PRH1: variants seen among roughly 807,000 people sequenced by gnomAD.
The protein encoded by PRH1 is salivary acidic proline-rich phosphoprotein 1/2.
In PRH1, 7 loss-of-function variants were observed where a neutral mutation model predicts 7.9. The ratio of observed to expected loss-of-function variants is 0.89; its 90% confidence interval spans 0.50 to 1.67. The LOEUF (loss-of-function observed/expected upper bound fraction) is 1.67. Ranked by LOEUF, PRH1 falls within the 40% of genes most tolerant of loss-of-function variation. PRH1 has a pLI of 0.00. For missense variants in PRH1, 109 were observed against 223.6 expected, an observed-to-expected ratio of 0.49 and a Z score of 3.27; for synonymous variants, 45 against 80.8, an observed-to-expected ratio of 0.56 and a Z score of 2.38.
intron 1 of PRH1, among the ~76,000 whole-genome samples, chr12:10,981,652 G>T (rs1357952496): frequency 6.6e-6 from 1 of 151,938 alleles, no homozygotes; most frequent in African/African-American, 2.4e-5. Context: ...GGGATTACAG[G>T]CATGAGCCAC....
intron 1 of PRH1, among the ~76,000 whole-genome samples, chr12:11,086,447 C>T (rs1944701094): frequency 6.8e-6 from 1 of 147,718 alleles, no homozygotes; most frequent in Admixed American, 6.8e-5. Flanking sequence ...ATGTTAAAAT[C>T]AGTCTCCAAT....
chr12:10,917,375 CTT>C (rs1196270361), intron 2 of PRH1, among the ~76,000 whole-genome samples: 2 of 152,126 alleles, frequency 1.3e-5, no homozygotes, highest in African/African-American at 4.8e-5. Context: ...GTACTTCTCT[CTT>C]GCTATGTCCA....
At chr12:10,947,489 T>C (rs1950506111) in intron 2 of PRH1, among the ~76,000 whole-genome samples, 1 of 152,194 alleles carries the variant, frequency 6.6e-6, no homozygotes, top group Admixed American at 6.5e-5. Flanking sequence ...TTGGTAGATT[T>C]TTCTCCATTT....
intron 1 of PRH1, among the ~76,000 whole-genome samples, chr12:11,143,265 A>G (rs1946760307): frequency 6.6e-6 from 1 of 152,234 alleles, no homozygotes; most frequent in Admixed American, 6.5e-5. Context: ...TTGCTTATGC[A>G]AACAGTGCTA....
intron 2 of PRH1, among the ~76,000 whole-genome samples, chr12:10,911,796 A>G (rs753909950): frequency 1.3e-5 from 2 of 152,168 alleles, no homozygotes; most frequent in Non-Finnish European, 1.5e-5. Context: ...TTTAAATGCT[A>G]TAGTATAAAG....
chr12:11,047,026 T>A (rs1027019358), exon 1 of PRH1: 2 of 508,984 alleles, frequency 3.9e-6, no homozygotes, highest in Non-Finnish European at 8.1e-6. Context: ...TCACCTCATA[T>A]GGATAGATGG....
intron 1 of PRH1, among the ~76,000 whole-genome samples, chr12:11,011,260 T>C (rs1941057552): frequency 6.6e-6 from 1 of 152,118 alleles, no homozygotes; most frequent in African/African-American, 2.4e-5. Flanking sequence ...GCACCTGATT[T>C]CTGAATGTGC....
At chr12:11,018,397 T>C (rs550306970) in intron 1 of PRH1, among the ~76,000 whole-genome samples, 3 of 152,330 alleles carry the variant, frequency 2.0e-5, no homozygotes, top group African/African-American at 7.2e-5. Flanking sequence ...AGGAGGGGAC[T>C]ATATTGGACA....
intron 2 of PRH1, among the ~76,000 whole-genome samples, chr12:10,968,817 T>TG (rs71434162): frequency 1.6e-4 from 24 of 152,126 alleles, no homozygotes; most frequent in Admixed American, 2.0e-4. Context: ...CAGCAGCATC[T>TG]GGGGGGGTGC....
chr12:11,017,501 T>G (rs889231980), intron 1 of PRH1, among the ~76,000 whole-genome samples: 1 of 149,804 alleles, frequency 6.7e-6, no homozygotes. Context: ...TTATTTATAT[T>G]TGAGATAGAG....
At chr12:11,024,829 C>G (rs1175316994) in intron 1 of PRH1, among the ~76,000 whole-genome samples, 7 of 152,184 alleles carry the variant, frequency 4.6e-5, no homozygotes, top group Admixed American at 4.6e-4. Flanking sequence ...TTATGATGTT[C>G]AAATTCTTCT....
At chr12:10,968,067 C>A (rs745828310) in intron 2 of PRH1, among the ~76,000 whole-genome samples, 1 of 151,770 alleles carries the variant, frequency 6.6e-6, no homozygotes, top group African/African-American at 2.4e-5. Flanking sequence ...GGCTAGAGAG[C>A]GAGACTCCGT....
rs188433554 is a variant in PRH1, at chr12:11,170,732, G to A, written n.39+690C>T. On this transcript the variant is annotated intron_variant and non_coding_transcript_variant, in intron 1 of 1. Coordinates refer to the PRH1 transcript ENST00000541175. ...TGTATGTATGTCCTTATGTATATACGCGTGTGTGTCCACTAGTTTTTTGCT... is the reference window on the plus strand; with the variant it reads ...TGTATGTATGTCCTTATGTATATACACGTGTGTGTCCACTAGTTTTTTGCT... 2.5e-3 allele frequency among the ~76,000 whole-genome samples: 379 copies of A among 152,270 alleles called. 1 individual carries two copies. The highest frequency in any genetic ancestry group is 0.017 in the Middle Eastern group (5 of 294).
intron 1 of PRH1, among the ~76,000 whole-genome samples, chr12:11,103,594 C>T (rs563913969): frequency 1.3e-5 from 2 of 151,862 alleles, no homozygotes; most frequent in East Asian, 1.9e-4. Flanking sequence ...ATGTAAATGA[C>T]GAGTTAATGG....
chr12:11,028,468 G>T lies in PRH1; in HGVS notation c.-126+18552C>A, dbSNP rs781780882. Among the ~76,000 whole-genome samples, 12 of 151,538 alleles carry T rather than the reference G, an allele frequency of 7.9e-5. No homozygotes were observed. The East Asian group carries it at 1.6e-3, about 20-fold the overall frequency. ...CCACACATTGTTTCACATTTGTTCC[G>T]GTCTCAATTTCCACACGTCCTTGCC... On this transcript the variant is annotated intron_variant, in intron 1 of 3. Transcript: ENST00000539853.
chr12:11,082,346 C>T (rs1407907147), intron 1 of PRH1, among the ~76,000 whole-genome samples: 1 of 114,436 alleles, frequency 8.7e-6, no homozygotes, highest in African/African-American at 2.9e-5. Context: ...CTCTTGTCAC[C>T]CAGTCTGGAG....
In PRH1 at chr12:11,094,102, G is replaced by A. The variant is rs1158274968; in HGVS notation, n.124-46914C>T. 1.8e-5 allele frequency among the ~76,000 whole-genome samples: 2 copies of A among 112,210 alleles called. 1 individual carries two copies. Among genetic ancestry groups the A allele is most frequent in the African/African-American group, 6.0e-5 (2 of 33,240 alleles). The allele number at this position is 112,210 out of a possible 152,430, so 73.6% of individuals were successfully genotyped here. ...GCAGATTATGAGGTCAAGAGATGGA[G>A]ACCATCCTGGCCAACATGGTGAAAC... is the stretch of plus-strand genomic sequence containing the variant. On this transcript the variant is annotated intron_variant and non_coding_transcript_variant, in intron 1 of 4. Coordinates refer to the PRH1 transcript ENST00000541977.
At chr12:11,143,055 A>G (rs2136398811) in intron 1 of PRH1, among the ~76,000 whole-genome samples, 1 of 152,344 alleles carries the variant, frequency 6.6e-6, no homozygotes, top group African/African-American at 2.4e-5. Context: ...ACAGACTAGT[A>G]TAACACTGTA....
chr12:10,931,434 A>G (rs1216689554), intron 2 of PRH1, among the ~76,000 whole-genome samples: 2 of 152,314 alleles, frequency 1.3e-5, no homozygotes, highest in East Asian at 3.9e-4. Context: ...GGACAGGCTC[A>G]GTCCTGCCTC....
Sources: allele counts gnomAD v4.1 joint callset (sites outside exome capture counted in the v4.1 genomes callset), GRCh38; gene constraint gnomAD v4.1.1; transcripts MANE v1.5; gene names NCBI Gene and HGNC (gene_info 2026-07-23, HGNC 2026-07-21).